REDIC1: variants seen among roughly 807,000 people sequenced by gnomAD.
REDIC1 encodes the protein HEI10 Interacting Protein 1.
the REDIC1 span, chr12:39,835,717 C>A: frequency 5.9e-5 from 9 of 152,096 alleles, no homozygotes; most frequent in African/African-American, 2.2e-4. Context: ...CAGCCCCCTG[C>A]AGGGTGGATC....
chr12:39,745,556 A>G, the REDIC1 span, among the ~76,000 whole-genome samples: 7 of 152,224 alleles, frequency 4.6e-5, no homozygotes, highest in African/African-American at 1.7e-4. Flanking sequence ...TCTAGCACAT[A>G]ACGAGTGTGT....
At chr12:39,702,544 A>T in the REDIC1 span, among the ~76,000 whole-genome samples, 1 of 152,118 alleles carries the variant, frequency 6.6e-6, no homozygotes, top group Non-Finnish European at 1.5e-5. Context: ...AAACTATTCC[A>T]ATCAATAGGA....
At chr12:39,828,361 CCTTA>C in the REDIC1 span, among the ~76,000 whole-genome samples, 2 of 151,460 alleles carry the variant, frequency 1.3e-5, no homozygotes, top group Non-Finnish European at 2.9e-5. Flanking sequence ...GTTATCTGTG[CCTTA>C]CTTTTCTCTA....
the REDIC1 span, among the ~76,000 whole-genome samples, chr12:39,861,837 T>C: frequency 2.0e-5 from 3 of 152,220 alleles, no homozygotes; most frequent in Admixed American, 6.5e-5. Flanking sequence ...GTGCACACTT[T>C]TATCTATTAA....
At chr12:39,724,322 A>G in the REDIC1 span, among the ~76,000 whole-genome samples, 2 of 152,132 alleles carry the variant, frequency 1.3e-5, no homozygotes, top group African/African-American at 4.8e-5. Flanking sequence ...CCACCCCCAA[A>G]TTACTGAATC....
chr12:39,793,329 T>C, the REDIC1 span, among the ~76,000 whole-genome samples: 1 of 152,110 alleles, frequency 6.6e-6, no homozygotes, highest in Non-Finnish European at 1.5e-5. Flanking sequence ...CTGAAAAATA[T>C]TAAAGACTAA....
At chr12:39,898,672 C>A in the REDIC1 span, among the ~76,000 whole-genome samples, 1 of 152,098 alleles carries the variant, frequency 6.6e-6, no homozygotes, top group African/African-American at 2.4e-5. Flanking sequence ...GCATTGAGAC[C>A]TTATGAGAAA....
At chr12:39,850,718 C>T in the REDIC1 span, among the ~76,000 whole-genome samples, 1 of 152,008 alleles carries the variant, frequency 6.6e-6, no homozygotes, top group African/African-American at 2.4e-5. Flanking sequence ...ATATTCTTGC[C>T]AAATTTGATT....
At chr12:39,707,311 A>G in the REDIC1 span, among the ~76,000 whole-genome samples, 1 of 151,996 alleles carries the variant, frequency 6.6e-6, no homozygotes, top group Non-Finnish European at 1.5e-5. Context: ...ACAATTGGAT[A>G]TGATATCACC....
the REDIC1 span, among the ~76,000 whole-genome samples, chr12:39,795,640 T>C: frequency 6.6e-6 from 1 of 152,134 alleles, no homozygotes; most frequent in Non-Finnish European, 1.5e-5. Context: ...CCAGAGAAGA[T>C]TTACATTGGC....
At chr12:39,790,701 G>T in the REDIC1 span, among the ~76,000 whole-genome samples, 1 of 98,002 alleles carries the variant, frequency 1.0e-5, no homozygotes, top group African/African-American at 3.9e-5. Flanking sequence ...TGTCTTTATA[G>T]CAGCATGATT....
chr12:39,797,213 G>T, the REDIC1 span, among the ~76,000 whole-genome samples: 1 of 152,104 alleles, frequency 6.6e-6, no homozygotes, highest in African/African-American at 2.4e-5. Flanking sequence ...AAGTAAGCAC[G>T]CCAACATACC....
chr12:39,712,195 T>TGTATATATACCTGTATGTATATGTAC, the REDIC1 span, among the ~76,000 whole-genome samples: 1 of 12,670 alleles, frequency 7.9e-5, no homozygotes, highest in Non-Finnish European at 3.0e-4. Flanking sequence ...TATATGTACA[T>TGTATATATACCTGTATGTATATGTAC]ACATATATAC....
the REDIC1 span, among the ~76,000 whole-genome samples, chr12:39,862,538 A>T: frequency 4.6e-5 from 7 of 152,224 alleles, no homozygotes; most frequent in African/African-American, 1.7e-4. Flanking sequence ...TAAGATATTA[A>T]ACTACTTCTC....
the REDIC1 span, among the ~76,000 whole-genome samples, chr12:39,856,558 G>A: frequency 1.3e-5 from 2 of 151,984 alleles, no homozygotes; most frequent in Admixed American, 1.3e-4. Flanking sequence ...TAGTAGAGAT[G>A]GGGTTTCACC....
At chr12:39,682,790 C>A in the REDIC1 span, 1 of 1,612,968 alleles carries the variant, frequency 6.2e-7, no homozygotes, top group Admixed American at 1.7e-5. Flanking sequence ...CAGTCTACTC[C>A]TAACCTTCTA....
the REDIC1 span, among the ~76,000 whole-genome samples, chr12:39,866,179 T>A: frequency 1.3e-5 from 2 of 152,322 alleles, no homozygotes; most frequent in East Asian, 3.9e-4. Flanking sequence ...AACAAAAATA[T>A]TCAAAATAGA....
the REDIC1 span, chr12:39,716,825 C>G: frequency 6.3e-7 from 1 of 1,595,634 alleles, no homozygotes; most frequent in Non-Finnish European, 8.5e-7. Context: ...TGTTTCAGTT[C>G]TAGTTCAGAT....
the REDIC1 span, among the ~76,000 whole-genome samples, chr12:39,732,482 G>A: frequency 4.6e-5 from 7 of 152,118 alleles, no homozygotes; most frequent in East Asian, 3.8e-4. Flanking sequence ...TCAATGTCTA[G>A]ATCCAGTAAT....
Sources: gnomAD v4.1 joint callset for allele counts (sites outside exome capture counted in the v4.1 genomes callset) on GRCh38, gnomAD v4.1.1 for gene constraint, MANE v1.5 for transcripts, NCBI Gene and HGNC (gene_info 2026-07-23, HGNC 2026-07-21) for gene names.